Variants in ANKRD6 observed in about 807,000 individuals in gnomAD.
The protein encoded by ANKRD6 is ankyrin repeat domain 6.
ANKRD6 carries 56 observed loss-of-function variants against 82.3 expected under a neutral mutation model. The ratio of observed to expected loss-of-function variants is 0.68; its 90% confidence interval spans 0.55 to 0.85. The LOEUF (loss-of-function observed/expected upper bound fraction) is 0.85, where lower values mean the gene tolerates loss of function less well. ANKRD6 is among the 40% of genes least tolerant of loss of function. The pLI is 0.00. For missense variants in ANKRD6, 852 were observed against 907.6 expected, an observed-to-expected ratio of 0.94 and a Z score of 0.79; for synonymous variants, 347 against 352.1, an observed-to-expected ratio of 0.99 and a Z score of 0.16.
chr6:89,627,564 T>C lies in ANKRD6; in HGVS notation c.1372-19T>C, dbSNP rs749698811. ...CTGAGATCATCTCAGTCTTACACTC[T>C]GCTCCACTTCACTCCTAGATGCGTG... is the stretch of plus-strand genomic sequence containing the variant. On this transcript the variant is annotated intron_variant, in intron 13 of 15. Transcript: ENST00000339746. 1.9e-6 allele frequency: 3 copies of C among 1,611,814 alleles called. No homozygotes were observed. The highest frequency in any genetic ancestry group is 2.2e-5 in the East Asian group (1 of 44,846).
intron 1 of ANKRD6, among the ~76,000 whole-genome samples, chr6:89,560,561 C>T (rs999280065): frequency 3.9e-5 from 6 of 152,186 alleles, no homozygotes; most frequent in Admixed American, 6.5e-5. Context: ...CGGTGGCTCA[C>T]GCCTATAATC....
intron 1 of ANKRD6, among the ~76,000 whole-genome samples, chr6:89,466,668 T>C (rs932723067): frequency 1.3e-5 from 2 of 152,148 alleles, no homozygotes; most frequent in Non-Finnish European, 2.9e-5. Context: ...TTCCTGTAAA[T>C]TGTGAATTTG....
intron 3 of ANKRD6, among the ~76,000 whole-genome samples, chr6:89,601,039 A>G (rs1797026586): frequency 6.6e-6 from 1 of 152,168 alleles, no homozygotes; most frequent in Admixed American, 6.6e-5. Context: ...TCTGTCTCTA[A>G]ACAAAAACAA....
Position 89,553,546 on chromosome 6 carries a change from T to A in ANKRD6, c.-143-13288T>A, listed in dbSNP as rs957934154. 5.3e-5 allele frequency among the ~76,000 whole-genome samples: 8 copies of A among 152,188 alleles called. No homozygotes were observed. In the South Asian group the frequency reaches 6.2e-4, roughly 12 times the overall value. On this transcript the variant is annotated intron_variant, in intron 1 of 15. Transcript: ENST00000339746. ...CAGGACTATGTTTGCAGGATTATAG[T>A]CAGACATTTAATTCCCCGCTAGCAG...
chr6:89,455,767 C>T (rs1252384591), intron 1 of ANKRD6, among the ~76,000 whole-genome samples: 18 of 152,272 alleles, frequency 1.2e-4, no homozygotes, highest in Admixed American at 1.0e-3. Context: ...TTTCCTGAGG[C>T]CTCCCCAGAA....
At chr6:89,518,758 A>G (rs1781534826) in intron 1 of ANKRD6, among the ~76,000 whole-genome samples, 1 of 152,198 alleles carries the variant, frequency 6.6e-6, no homozygotes, top group Non-Finnish European at 1.5e-5. Context: ...CAGTCAAGCC[A>G]GGGGCACTGA....
At chr6:89,513,497 T>C (rs902291216) in intron 1 of ANKRD6, among the ~76,000 whole-genome samples, 2 of 152,208 alleles carry the variant, frequency 1.3e-5, no homozygotes, top group Non-Finnish European at 1.5e-5. Flanking sequence ...CTGACCTCTT[T>C]TGCTTAGCAG....
chr6:89,487,840 G>A (rs1266624432), intron 1 of ANKRD6, among the ~76,000 whole-genome samples: 1 of 152,168 alleles, frequency 6.6e-6, no homozygotes, highest in Non-Finnish European at 1.5e-5. Context: ...GAAAAAAAAT[G>A]ATCTTTGGTA....
intron 7 of ANKRD6, chr6:89,616,255 C>T (rs920222154): frequency 1.1e-5 from 4 of 351,798 alleles, no homozygotes; most frequent in East Asian, 6.3e-5. Context: ...CTCCTGTCCT[C>T]GTGAGGCTTC....
intron 5 of ANKRD6, among the ~76,000 whole-genome samples, chr6:89,610,857 G>A (rs1800072473): frequency 1.3e-5 from 2 of 151,032 alleles, no homozygotes; most frequent in African/African-American, 4.9e-5. Flanking sequence ...GTCCCAGTTT[G>A]CCCTGGGCTA....
intron 1 of ANKRD6, among the ~76,000 whole-genome samples, chr6:89,540,284 C>T (rs910472157): frequency 5.3e-5 from 8 of 152,156 alleles, no homozygotes; most frequent in Non-Finnish European, 1.2e-4. Context: ...TCCACATCCT[C>T]GCCAACATTT....
At chr6:89,587,717 A>C (rs1026502424) in intron 2 of ANKRD6, among the ~76,000 whole-genome samples, 4 of 152,286 alleles carry the variant, frequency 2.6e-5, no homozygotes, top group Non-Finnish European at 4.4e-5. Context: ...AGCCTATTCC[A>C]ATCTGAGATT....
chr6:89,538,943 T>A (rs953025137), intron 1 of ANKRD6, among the ~76,000 whole-genome samples: 3 of 152,320 alleles, frequency 2.0e-5, no homozygotes, highest in African/African-American at 7.2e-5. Context: ...CAGATTCTTA[T>A]GACATATTCC....
At chr6:89,592,139 G>A (rs1795032103) in intron 2 of ANKRD6, among the ~76,000 whole-genome samples, 1 of 152,206 alleles carries the variant, frequency 6.6e-6, no homozygotes, top group Non-Finnish European at 1.5e-5. Context: ...CTGGCTGGTG[G>A]GTACCTGGAC....
intron 1 of ANKRD6, among the ~76,000 whole-genome samples, chr6:89,530,186 T>C (rs553708002): frequency 1.3e-5 from 2 of 152,040 alleles, no homozygotes; most frequent in Non-Finnish European, 1.5e-5. Flanking sequence ...GCCCAGGAGG[T>C]TGAGGCTGCA....
chr6:89,456,724 A>G (rs1322411054), intron 1 of ANKRD6, among the ~76,000 whole-genome samples: 1 of 152,212 alleles, frequency 6.6e-6, no homozygotes, highest in Non-Finnish European at 1.5e-5. Flanking sequence ...CACTAGTCTC[A>G]TAAAACATAA....
chr6:89,572,792 G>A (rs1039132630), intron 2 of ANKRD6, among the ~76,000 whole-genome samples: 4 of 152,030 alleles, frequency 2.6e-5, no homozygotes, highest in Admixed American at 1.3e-4. Flanking sequence ...CCCATTGAGC[G>A]GTCTTGGTAT....
At chr6:89,624,717 A>C in intron 13 of ANKRD6, 26 bp downstream of exon 13, 2 of 1,596,416 alleles carry the variant, frequency 1.3e-6, no homozygotes, top group South Asian at 1.1e-5. Flanking sequence ...CAGCTTCCTA[A>C]TTGCAAGGTG....
In ANKRD6 at chr6:89,632,841, GA is replaced by G. The variant is rs1453331753; in HGVS notation, c.*1839del. On this transcript the variant is annotated 3_prime_UTR_variant, in exon 16 of 16. Transcript: ENST00000339746. ...AAACAGGATATCACTAACCTCTTTA[GA>G]ATCATTCCTCAGTATACATCAATTT... 2.0e-5 allele frequency: 3 copies of G among 152,134 alleles called. No individual in the cohort carries two copies. Among genetic ancestry groups the G allele is most frequent in the African/African-American group, 7.2e-5 (3 of 41,430 alleles). The allele number at this position is 152,134 out of a possible 1,614,324, so 9.4% of individuals were successfully genotyped here.
Sources: gnomAD v4.1 joint callset for allele counts (sites outside exome capture counted in the v4.1 genomes callset) on GRCh38, gnomAD v4.1.1 for gene constraint, MANE v1.5 for transcripts, NCBI Gene and HGNC (gene_info 2026-07-23, HGNC 2026-07-21) for gene names.